Variants in SLFNL1 observed in about 807,000 individuals in gnomAD.
SLFNL1 encodes schlafen like 1.
Under a neutral mutation model 32.5 loss-of-function variants are expected in SLFNL1, and 26 were observed. The ratio of observed to expected loss-of-function variants is 0.80; its 90% confidence interval spans 0.59 to 1.11. The LOEUF is 1.11. Among genes scored for constraint, SLFNL1 ranks in the 50% least tolerant of loss-of-function variants. SLFNL1 has a pLI of 0.00. For missense variants in SLFNL1, 553 were observed against 546.5 expected (o/e 1.01, Z -0.12); for synonymous variants, 255 against 242.2 (o/e 1.05, Z -0.49).
intron 1 of SLFNL1, 29 bp from the exon 2 acceptor site, chr1:41,020,899 C>G (rs1016865395): frequency 2.0e-5 from 11 of 542,258 alleles, no homozygotes; most frequent in African/African-American, 1.9e-4. Context: ...GTCACGTGGA[C>G]TGAGCAAGAC....
chr1:41,018,828 G>GTTTTTTTTT (rs34061852), intron 3 of SLFNL1, among the ~76,000 whole-genome samples: 3 of 60,644 alleles, frequency 4.9e-5, no homozygotes, highest in Non-Finnish European at 5.8e-5. Context: ...CAACCCTCCT[G>GTTTTTTTTT]TTTTTTTTTT....
At position 41,018,067 on chromosome 1, in the gene SLFNL1, CGT is replaced by C. The variant is rs1558200053; in HGVS notation, c.523_524del (p.Thr175AlafsTer3). On this transcript the variant is annotated frameshift_variant, in exon 4 of 6. Coordinates refer to ENST00000302946, the MANE Select transcript of SLFNL1 (RefSeq NM_144990.4). LOFTEE classifies it high-confidence loss of function. ...GCTGGGCCTGGGGCCTATCAGGCAG[CGT>C]GTGTGTAGGCCAGGTGGGCAGCGGG... is the stretch of plus-strand genomic sequence containing the variant. ...GVPLPTWPTH[T>X]LPDRPQAQQL... The C allele has an allele frequency of 6.3e-7, 1 of 1,581,776 alleles. No homozygotes were observed. The highest frequency in any genetic ancestry group is 8.6e-7 in the Non-Finnish European group (1 of 1,163,868).
chr1:41,016,053 C>A lies in SLFNL1; in HGVS notation c.*53G>T. On this transcript the variant is annotated 3_prime_UTR_variant, in exon 6 of 6. Transcript: ENST00000302946. The stretch of plus-strand genomic sequence containing the variant: ...TTGGCCTTACACTCAAACAGGAAAT[C>A]CCTGGGTCTCAGGTGGAGAGTGCCG... The A allele has an allele frequency of 6.4e-7, 1 of 1,573,714 alleles. No individual in the cohort carries two copies. The highest frequency in any genetic ancestry group is 1.2e-5 in the South Asian group (1 of 86,204).
chr1:41,019,975 G>A (rs1315850750), intron 3 of SLFNL1, among the ~76,000 whole-genome samples: 2 of 152,256 alleles, frequency 1.3e-5, no homozygotes, highest in Non-Finnish European at 2.9e-5. Flanking sequence ...AGGACCTAAG[G>A]AGAGGAGGTC....
At chr1:41,018,675 C>A (rs12033892) in intron 3 of SLFNL1, among the ~76,000 whole-genome samples, 26 of 152,194 alleles carry the variant, frequency 1.7e-4, no homozygotes, top group Admixed American at 6.5e-4. Context: ...TCCCCACTTT[C>A]TTCTGCGCCT....
At position 41,020,743 on chromosome 1, in the gene SLFNL1, A is replaced by C; in HGVS notation, c.-83T>G. 7.5e-7 allele frequency: 1 copy of C among 1,334,780 alleles called. No homozygotes were observed. Among genetic ancestry groups the C allele is most frequent in the Non-Finnish European group, 1.0e-6 (1 of 969,772 alleles). 82.7% of individuals were successfully genotyped at this position (1,334,780 alleles called of 1,614,324 possible). On this transcript the variant is annotated 5_prime_UTR_variant, in exon 3 of 6. The change abolishes the stop of an existing upstream ORF in the 5' untranslated region. Coordinates refer to ENST00000302946, the MANE Select transcript of SLFNL1 (RefSeq NM_144990.4). ...AGGGTCTGTGTTCTCAGTGTGGCTT[A>C]AGGGCTCCCAGAGGACTCAGGGAGT...
intron 3 of SLFNL1, among the ~76,000 whole-genome samples, chr1:41,019,564 C>T (rs1364727381): frequency 6.6e-6 from 1 of 152,170 alleles, no homozygotes; most frequent in Non-Finnish European, 1.5e-5. Context: ...AAATGGTTTG[C>T]CCTTCTGCAG....
rs1317595598 is a variant in SLFNL1 at position 41,017,414 on chromosome 1, C to T, written c.958-37G>A. 3.8e-6 allele frequency: 6 copies of T among 1,595,526 alleles called. No homozygotes were observed. Among genetic ancestry groups the T allele is most frequent in the East Asian group, 2.2e-5 (1 of 44,588 alleles). ...CAACAGCAGCTCTGGAGGCGCCGCC[C>T]CTCACGGTCGGCAGCCCCCATCCTG... On this transcript the variant is annotated intron_variant, in intron 4 of 5. Coordinates refer to ENST00000302946, the MANE Select transcript of SLFNL1 (RefSeq NM_144990.4). The surrounding 1 kb of genome is among the most constrained non-coding windows in gnomAD (Gnocchi z 4.9).
chr1:41,017,194 A>G lies in SLFNL1; in HGVS notation c.1101+40T>C. The G allele has an allele frequency of 1.3e-6, 2 of 1,521,150 alleles. No individual in the cohort carries two copies. The allele number at this position is 1,521,150 out of a possible 1,614,324, so 94.2% of individuals were successfully genotyped here. ...TGGGTGGCTGAAGGGGTCTGGGGTC[A>G]GCTCCGCTCCACCCCACCCACTGGC... is the stretch of plus-strand genomic sequence containing the variant. On this transcript the variant is annotated intron_variant, in intron 5 of 5. Transcript: ENST00000302946. The surrounding 1 kb of genome is among the most constrained non-coding windows in gnomAD (Gnocchi z 4.9).
intron 5 of SLFNL1, chr1:41,016,539 G>GC: frequency 3.1e-6 from 1 of 325,264 alleles, no homozygotes; most frequent in Non-Finnish European, 5.7e-6. Context: ...ACTGTGTCTT[G>GC]CCCCCTCTGC....
Position 41,017,530 on chromosome 1 carries a change from C to G in SLFNL1, c.957+105G>C. 6.7e-7 allele frequency: 1 copy of G among 1,491,142 alleles called. No individual in the cohort carries two copies. Among genetic ancestry groups the G allele is most frequent in the South Asian group, 1.3e-5 (1 of 74,422 alleles). The allele number at this position is 1,491,142 out of a possible 1,614,324, so 92.4% of individuals were successfully genotyped here. ...CCCCAGCCTCTTCTCCTGTGGCCCCCAGTCCCGTCCCTGCCCCAGCACTGC... is the reference window on the plus strand; with the variant it reads ...CCCCAGCCTCTTCTCCTGTGGCCCCGAGTCCCGTCCCTGCCCCAGCACTGC... On this transcript the variant is annotated intron_variant, in intron 4 of 5. Coordinates refer to ENST00000302946, the MANE Select transcript of SLFNL1 (RefSeq NM_144990.4). The surrounding 1 kb of genome is among the most constrained non-coding windows in gnomAD (Gnocchi z 4.9).
chr1:41,020,101 A>G, intron 3 of SLFNL1, 125 bp downstream of exon 3: 1 of 996,420 alleles, frequency 1.0e-6, no homozygotes, highest in Non-Finnish European at 1.5e-6. Context: ...GCAGCCCCCA[A>G]GTTTGCAGAT....
rs779621244 is a variant in SLFNL1 at position 41,020,345 on chromosome 1, C to G, written c.316G>C (p.Ala106Pro). The change falls in exon 3 of 6, where the codon GCC becomes CCC. Residue 106 changes from alanine to proline, a missense_variant. By Grantham distance (27) the Ala-to-Pro change is conservative. Transcript: ENST00000302946. ...GTCTGCAGGCGCCAGGGGAGGGAGG[C>G]CAGGGTGTCCCTGTGGACAGTCACC... ...VQVTVHRDTLASLPWRLQTAL... is the reference protein window; with the variant it reads ...VQVTVHRDTLPSLPWRLQTAL... 8 of 1,613,412 alleles carry G rather than the reference C, an allele frequency of 5.0e-6. No individual in the cohort carries two copies. The highest frequency in any genetic ancestry group is 1.7e-5 in the Admixed American group (1 of 60,010).
chr1:41,018,605 C>G (rs1349814517), intron 3 of SLFNL1, among the ~76,000 whole-genome samples: 1 of 152,194 alleles, frequency 6.6e-6, no homozygotes, highest in Admixed American at 6.5e-5. Flanking sequence ...GTACCCCACC[C>G]ACTTCCTGAT....
chr1:41,020,712 T>G lies in SLFNL1; in HGVS notation c.-52A>C, dbSNP rs766672684. On this transcript the variant is annotated 5_prime_UTR_variant, in exon 3 of 6. Coordinates refer to ENST00000302946, the MANE Select transcript of SLFNL1 (RefSeq NM_144990.4). The stretch of plus-strand genomic sequence containing the variant: ...CCAGGATTCCTCACTGCTGGCTGCT[T>G]CTCCCAGGGTCTGTGTTCTCAGTGT... 3.9e-6 allele frequency: 6 copies of G among 1,538,140 alleles called. No homozygotes were observed. The highest frequency in any genetic ancestry group is 1.4e-5 in the African/African-American group (1 of 73,464).
At chr1:41,021,150 T>C (rs1643804054) in intron 1 of SLFNL1, 1 of 157,670 alleles carries the variant, frequency 6.3e-6, no homozygotes, top group Admixed American at 6.0e-5. Flanking sequence ...CCCAGGACTC[T>C]GAGGACTGGC....
chr1:41,018,831 T>A (rs1420872265), intron 3 of SLFNL1, among the ~76,000 whole-genome samples: 1 of 130,012 alleles, frequency 7.7e-6, no homozygotes, highest in Non-Finnish European at 1.7e-5. Flanking sequence ...CCCTCCTGTT[T>A]TTTTTTTTTT....
In SLFNL1 at chr1:41,017,008, A is replaced by G. The variant is rs1643390020; in HGVS notation, c.1101+226T>C. The G allele has an allele frequency of 4.1e-6, 2 of 485,122 alleles. No individual in the cohort carries two copies. Among genetic ancestry groups the G allele is most frequent in the Non-Finnish European group, 7.1e-6 (2 of 281,424 alleles). 30.1% of individuals were successfully genotyped at this position (485,122 alleles called of 1,614,324 possible). A position where few individuals can be genotyped will look rare whatever the true frequency, so the allele number is the denominator to read the frequency against. ...CAGGCGTGAGCCACTGCGCCTGGCCACTGCATAGATTTTTAAAAGGAGAGA... is the reference window on the plus strand; with the variant it reads ...CAGGCGTGAGCCACTGCGCCTGGCCGCTGCATAGATTTTTAAAAGGAGAGA... On this transcript the variant is annotated intron_variant, in intron 5 of 5. Transcript: ENST00000302946. The surrounding 1 kb of genome is among the most constrained non-coding windows in gnomAD (Gnocchi z 4.9).
rs1321983091 is a variant in SLFNL1, at chr1:41,018,602, A to G, written c.436-446T>C. Among the ~76,000 whole-genome samples, 4 of 152,168 alleles carry G rather than the reference A, an allele frequency of 2.6e-5. No individual in the cohort carries two copies. The East Asian group carries it at 7.8e-4, about 30-fold the overall frequency. On this transcript the variant is annotated intron_variant, in intron 3 of 5. Transcript: ENST00000302946. The stretch of plus-strand genomic sequence containing the variant: ...ATGGAGAGGGACTCCCAGGTACCCC[A>G]CCCACTTCCTGATTTCAAACCTTTG...
Sources: allele counts gnomAD v4.1 joint callset (sites outside exome capture counted in the v4.1 genomes callset), GRCh38; gene constraint gnomAD v4.1.1; non-coding constraint Gnocchi (gnomAD v3.1); transcripts MANE v1.5; gene names NCBI Gene and HGNC (gene_info 2026-07-23, HGNC 2026-07-21).